The following HERPUD2 variants were observed in gnomAD, a reference collection of about 807,000 sequenced individuals.
The protein encoded by HERPUD2 is HERPUD family member 2, also known as homocysteine-responsive endoplasmic reticulum-resident ubiquitin-like domain member 2 protein.
HERPUD2 carries 13 observed loss-of-function variants against 49.9 expected under a neutral mutation model. The observed-to-expected ratio is 0.26, with a 90% CI of 0.17 to 0.41. The LOEUF (loss-of-function observed/expected upper bound fraction) is 0.41, where lower values mean the gene tolerates loss of function less well. HERPUD2 is among the 10% of genes least tolerant of loss of function. The pLI is 1.00. For missense variants in HERPUD2, 449 were observed against 492.2 expected (o/e 0.91, Z 0.83); for synonymous variants, 172 against 171.4 (o/e 1.00, Z -0.03).
rs891553594 is a variant in HERPUD2, at chr7:35,638,228, T to C, written c.617+122A>G. 1.1e-5 allele frequency: 10 copies of C among 925,832 alleles called. No individual in the cohort carries two copies. In the African/African-American group the frequency reaches 1.7e-4, roughly 15 times the overall value. The allele number at this position is 925,832 out of a possible 1,614,324, so 57.4% of individuals were successfully genotyped here. On this transcript the variant is annotated intron_variant, in intron 6 of 8. Coordinates refer to ENST00000311350, the MANE Select transcript of HERPUD2 (RefSeq NM_022373.5). ...GAACTGGAGGTGAACCCTTTTTCCTTTAGTCAAAACAACATTAAATACATA... is the reference window on the plus strand; with the variant it reads ...GAACTGGAGGTGAACCCTTTTTCCTCTAGTCAAAACAACATTAAATACATA...
intron 2 of HERPUD2, among the ~76,000 whole-genome samples, chr7:35,686,732 AAAAAAAAAAAAAAC>A (rs1383698301): frequency 1.8e-5 from 2 of 109,794 alleles, no homozygotes; most frequent in African/African-American, 3.9e-5. Context: ...AAAAAAAAAA[AAAAAAAAAAAAAAC>A]CAAACCCATT....
intron 5 of HERPUD2, among the ~76,000 whole-genome samples, chr7:35,647,046 C>T (rs1005925007): frequency 1.1e-4 from 17 of 152,092 alleles, no homozygotes; most frequent in African/African-American, 4.1e-4. Flanking sequence ...AAAATACAAT[C>T]ATCGTAGGTT....
intron 5 of HERPUD2, among the ~76,000 whole-genome samples, chr7:35,654,317 G>GA (rs1008693134): frequency 1.4e-5 from 2 of 145,758 alleles, no homozygotes; most frequent in Admixed American, 6.8e-5. Flanking sequence ...AGGTAACAAA[G>GA]AAAAAAAAAG....
At chr7:35,638,107 C>T (rs188271933) in intron 6 of HERPUD2, among the ~76,000 whole-genome samples, 1 of 152,266 alleles carries the variant, frequency 6.6e-6, no homozygotes, top group South Asian at 2.1e-4. Context: ...TAAGTTTTCT[C>T]CTCTTAAATT....
intron 5 of HERPUD2, among the ~76,000 whole-genome samples, chr7:35,664,211 A>C (rs1583555677): frequency 6.6e-6 from 1 of 152,268 alleles, no homozygotes; most frequent in Non-Finnish European, 1.5e-5. Context: ...AATATTGAAT[A>C]TTGGCCCCCA....
At position 35,633,091 on chromosome 7, in the gene HERPUD2, G is replaced by C. The variant is rs984691348; in HGVS notation, c.*599C>G. 1 of 145,286 alleles carries C rather than the reference G, an allele frequency of 6.9e-6. No individual in the cohort carries two copies. Among genetic ancestry groups the C allele is most frequent in the Non-Finnish European group, 1.5e-5 (1 of 66,884 alleles). 9.0% of individuals were successfully genotyped at this position (145,286 alleles called of 1,614,324 possible). A position where few individuals can be genotyped will look rare whatever the true frequency, so the allele number is the denominator to read the frequency against. On this transcript the variant is annotated 3_prime_UTR_variant, in exon 9 of 9. Transcript: ENST00000311350. ...CTCTTTTTTTTTTTTTTCTGAGACC[G>C]AGTCTCACTCTGTCGCCCAGGGTGG...
chr7:35,666,567 C>A (rs377534458), intron 5 of HERPUD2, among the ~76,000 whole-genome samples: 1 of 152,186 alleles, frequency 6.6e-6, no homozygotes, highest in Non-Finnish European at 1.5e-5. Context: ...TGGCTTGATA[C>A]GCAACACAGA....
intron 5 of HERPUD2, among the ~76,000 whole-genome samples, chr7:35,643,219 G>A (rs1272785844): frequency 6.6e-6 from 1 of 152,032 alleles, no homozygotes; most frequent in African/African-American, 2.4e-5. Flanking sequence ...CTTTTTAACC[G>A]CACACCTATG....
intron 2 of HERPUD2, among the ~76,000 whole-genome samples, chr7:35,688,701 C>A (rs1453959893): frequency 6.6e-6 from 1 of 152,176 alleles, no homozygotes; most frequent in Non-Finnish European, 1.5e-5. Context: ...ACATATAAAT[C>A]TCTTTTTATA....
At chr7:35,644,752 G>C (rs908478262) in intron 5 of HERPUD2, among the ~76,000 whole-genome samples, 1 of 152,158 alleles carries the variant, frequency 6.6e-6, no homozygotes, top group Non-Finnish European at 1.5e-5. Context: ...GGGGGAAACA[G>C]TGAGGCTCTG....
chr7:35,648,597 C>T (rs964375946), intron 5 of HERPUD2, among the ~76,000 whole-genome samples: 3 of 152,154 alleles, frequency 2.0e-5, no homozygotes, highest in Non-Finnish European at 4.4e-5. Context: ...TTGAGAGTGG[C>T]CATGTGATTG....
chr7:35,648,888 G>A (rs1376721440), intron 5 of HERPUD2, among the ~76,000 whole-genome samples: 8 of 152,112 alleles, frequency 5.3e-5, no homozygotes, highest in Admixed American at 2.0e-4. Flanking sequence ...TAACTAATAC[G>A]CTCTCCATCA....
At chr7:35,692,087 G>A (rs1302761817) in intron 2 of HERPUD2, among the ~76,000 whole-genome samples, 2 of 152,250 alleles carry the variant, frequency 1.3e-5, no homozygotes, top group Non-Finnish European at 2.9e-5. Flanking sequence ...AGGCTGCATA[G>A]TATTTGGTTT....
chr7:35,647,011 C>G (rs1712126926), intron 5 of HERPUD2, among the ~76,000 whole-genome samples: 2 of 151,838 alleles, frequency 1.3e-5, no homozygotes, highest in Non-Finnish European at 2.9e-5. Flanking sequence ...CTGTCATTCA[C>G]AATTATATAC....
chr7:35,665,519 G>A (rs112711545), intron 5 of HERPUD2, among the ~76,000 whole-genome samples: 65 of 152,296 alleles, frequency 4.3e-4, no homozygotes, highest in Admixed American at 2.0e-3. Context: ...AGTCTCTCAC[G>A]GCTTCCCTTT....
chr7:35,673,485 T>C (rs1785687206), intron 2 of HERPUD2, among the ~76,000 whole-genome samples: 1 of 152,172 alleles, frequency 6.6e-6, no homozygotes, highest in Non-Finnish European at 1.5e-5. Flanking sequence ...GTATCTATTG[T>C]AGCTATAATA....
intron 5 of HERPUD2, among the ~76,000 whole-genome samples, chr7:35,653,509 C>G (rs1279680468): frequency 3.4e-5 from 5 of 146,952 alleles, no homozygotes; most frequent in Non-Finnish European, 7.5e-5. Flanking sequence ...CAGCATTACA[C>G]AGATCATCTA....
chr7:35,678,787 G>A (rs1207663136), intron 2 of HERPUD2, among the ~76,000 whole-genome samples: 1 of 151,968 alleles, frequency 6.6e-6, no homozygotes, highest in Non-Finnish European at 1.5e-5. Context: ...ACTTCTAGAT[G>A]TTAATATATT....
At chr7:35,652,624 AGAAAGGAAG>A (rs1213113297) in intron 5 of HERPUD2, among the ~76,000 whole-genome samples, 4 of 147,764 alleles carry the variant, frequency 2.7e-5, no homozygotes, top group African/African-American at 9.9e-5. Flanking sequence ...CAGGAAGGAA[AGAAAGGAAG>A]GAAAGGAAGA....
Sources: gnomAD v4.1 joint callset for allele counts (sites outside exome capture counted in the v4.1 genomes callset) on GRCh38, gnomAD v4.1.1 for gene constraint, MANE v1.5 for transcripts, NCBI Gene and HGNC (gene_info 2026-07-23, HGNC 2026-07-21) for gene names.